The following CNTNAP2 variants were observed in gnomAD, a reference collection of about 807,000 sequenced individuals.
CNTNAP2 encodes the protein contactin associated protein 2, also known as contactin-associated protein-like 2.
Under a neutral mutation model 155.2 loss-of-function variants are expected in CNTNAP2, and 98 were observed. The observed-to-expected ratio is 0.63, with a 90% CI of 0.54 to 0.75. The LOEUF is 0.75. Among genes scored for constraint, CNTNAP2 ranks in the 30% least tolerant of loss-of-function variants. The pLI, the probability that CNTNAP2 is intolerant of heterozygous loss-of-function variation, is 0.00. For synonymous variants in CNTNAP2, 651 were observed against 631.2 expected (o/e 1.03, Z -0.47); for missense variants, 1,727 against 1,688.1 (o/e 1.02, Z -0.40).
rs148249006 is a variant in CNTNAP2 at position 147,004,682 on chromosome 7, A to G, written c.403-39225A>G. On this transcript the variant is annotated intron_variant, in intron 3 of 23. Coordinates refer to ENST00000361727, the MANE Select transcript of CNTNAP2 (RefSeq NM_014141.6). ...TGATAAGATAAATGTTCCTGATAAG[A>G]GAATATTTACACTAACAGAATCTTA... Among the ~76,000 whole-genome samples, 643 of 152,160 alleles carry G rather than the reference A, an allele frequency of 4.2e-3. 4 individuals are homozygous for G. The highest frequency in any genetic ancestry group is 6.8e-3 in the Middle Eastern group (2 of 294).
chr7:146,669,537 T>C (rs551684484), intron 1 of CNTNAP2, among the ~76,000 whole-genome samples: 36 of 152,328 alleles, frequency 2.4e-4, no homozygotes, highest in African/African-American at 8.4e-4. Context: ...GATTTTACTT[T>C]ATGTGTTTTA....
intron 13 of CNTNAP2, among the ~76,000 whole-genome samples, chr7:147,755,483 T>C (rs565621420): frequency 1.3e-5 from 2 of 152,136 alleles, no homozygotes; most frequent in South Asian, 4.1e-4. Flanking sequence ...GGAAAACCCA[T>C]GTCTACTGAA....
At chr7:147,901,577 C>T (rs758897395) in intron 13 of CNTNAP2, among the ~76,000 whole-genome samples, 3 of 152,116 alleles carry the variant, frequency 2.0e-5, no homozygotes, top group Non-Finnish European at 4.4e-5. Flanking sequence ...TAGAAGTTTA[C>T]CTTTCTGTCT....
Position 146,712,331 on chromosome 7 carries a change from CTATATAG to C in CNTNAP2, c.98-61935_98-61929del, listed in dbSNP as rs1563199308. ...ATATAGTATACATATCTTATGTATA[CTATATAG>C]TATACATATCTTATGTATACTATAT... On this transcript the variant is annotated intron_variant, in intron 1 of 23. Coordinates refer to ENST00000361727, the MANE Select transcript of CNTNAP2 (RefSeq NM_014141.6). Among the ~76,000 whole-genome samples, 93 of 122,272 alleles carry C rather than the reference CTATATAG, an allele frequency of 7.6e-4. 2 individuals carry two copies. Among genetic ancestry groups the C allele is most frequent in the African/African-American group, 3.3e-3 (88 of 26,908 alleles). 80.2% of individuals were successfully genotyped at this position (122,272 alleles called of 152,430 possible).
chr7:146,315,773 AT>A (rs1458010056), intron 1 of CNTNAP2, among the ~76,000 whole-genome samples: 1 of 152,128 alleles, frequency 6.6e-6, no homozygotes, highest in Non-Finnish European at 1.5e-5. Flanking sequence ...GCTATATTTA[AT>A]TTCCTGTTAC....
intron 2 of CNTNAP2, among the ~76,000 whole-genome samples, chr7:146,823,663 T>C (rs1343430470): frequency 6.6e-6 from 1 of 151,674 alleles, no homozygotes; most frequent in Non-Finnish European, 1.5e-5. Context: ...TATTTAAATA[T>C]GAGTATACTC....
intron 13 of CNTNAP2, among the ~76,000 whole-genome samples, chr7:147,796,372 T>C (rs1797895482): frequency 6.6e-6 from 1 of 152,182 alleles, no homozygotes; most frequent in South Asian, 2.1e-4. Flanking sequence ...TAATGACAAT[T>C]GAAGGAAGCC....
chr7:146,706,827 A>C (rs1800973842), intron 1 of CNTNAP2, among the ~76,000 whole-genome samples: 1 of 151,970 alleles, frequency 6.6e-6, no homozygotes, highest in Non-Finnish European at 1.5e-5. Flanking sequence ...ACTAGGTTTA[A>C]TACCTGGGCA....
At chr7:147,160,730 G>A (rs1802009049) in intron 8 of CNTNAP2, among the ~76,000 whole-genome samples, 1 of 152,068 alleles carries the variant, frequency 6.6e-6, no homozygotes, top group Non-Finnish European at 1.5e-5. Flanking sequence ...TTTTATTGTT[G>A]TTGAGGATGT....
chr7:147,086,892 G>A (rs1800290670), intron 4 of CNTNAP2, among the ~76,000 whole-genome samples: 1 of 152,144 alleles, frequency 6.6e-6, no homozygotes, highest in African/African-American at 2.4e-5. Flanking sequence ...GAAAAGTCTA[G>A]TACAGAGCTT....
At chr7:146,857,590 T>A (rs1229567942) in intron 3 of CNTNAP2, among the ~76,000 whole-genome samples, 3 of 152,146 alleles carry the variant, frequency 2.0e-5, no homozygotes, top group Non-Finnish European at 4.4e-5. Context: ...GAGATTTGAC[T>A]TGATAAGGCA....
At chr7:148,119,818 T>C (rs1014728171) in intron 16 of CNTNAP2, among the ~76,000 whole-genome samples, 1 of 152,134 alleles carries the variant, frequency 6.6e-6, no homozygotes, top group Non-Finnish European at 1.5e-5. Context: ...CTAGTAGTTA[T>C]TGTAATTATC....
chr7:147,985,286 G>C lies in CNTNAP2; in HGVS notation c.2383+7297G>C, dbSNP rs192753206. ...AAGCTTCTGAACCCCCACTGGGGGT[G>C]GGGGGTGGGGAGTGGTAATCCCTCT... On this transcript the variant is annotated intron_variant, in intron 15 of 23. Coordinates refer to ENST00000361727, the MANE Select transcript of CNTNAP2 (RefSeq NM_014141.6). Among the ~76,000 whole-genome samples, 7 of 151,806 alleles carry C rather than the reference G, an allele frequency of 4.6e-5. No individual in the cohort carries two copies. The East Asian group carries it at 9.7e-4, about 21-fold the overall frequency.
chr7:146,122,264 A>C (rs1368879052), intron 1 of CNTNAP2, among the ~76,000 whole-genome samples: 1 of 152,208 alleles, frequency 6.6e-6, no homozygotes, highest in Non-Finnish European at 1.5e-5. Context: ...TTGCCTCTGC[A>C]CTAATAGTGA....
At chr7:147,787,997 A>T (rs1158142988) in intron 13 of CNTNAP2, among the ~76,000 whole-genome samples, 1 of 152,202 alleles carries the variant, frequency 6.6e-6, no homozygotes, top group Non-Finnish European at 1.5e-5. Context: ...TTCTCTTTGT[A>T]TTCTTGAAGG....
chr7:147,950,920 T>G (rs952013074), intron 14 of CNTNAP2, among the ~76,000 whole-genome samples: 6 of 152,242 alleles, frequency 3.9e-5, no homozygotes, highest in Non-Finnish European at 7.3e-5. Flanking sequence ...TCTTCACTTT[T>G]CTACAATTAA....
chr7:146,223,489 T>C (rs1452347360), intron 1 of CNTNAP2, among the ~76,000 whole-genome samples: 1 of 152,156 alleles, frequency 6.6e-6, no homozygotes, highest in African/African-American at 2.4e-5. Context: ...TGGGGAGGAC[T>C]CACTGTCACC....
chr7:147,697,439 C>T (rs1226340258), intron 13 of CNTNAP2, among the ~76,000 whole-genome samples: 5 of 152,026 alleles, frequency 3.3e-5, no homozygotes, highest in African/African-American at 1.2e-4. Flanking sequence ...TTTATTAATG[C>T]AGCGATAAGT....
intron 1 of CNTNAP2, among the ~76,000 whole-genome samples, chr7:146,312,164 C>G (rs1246517449): frequency 6.6e-6 from 1 of 152,098 alleles, no homozygotes; most frequent in African/African-American, 2.4e-5. Context: ...AGTGTTGACA[C>G]CATTATTTTT....
Sources: gnomAD v4.1 joint callset for allele counts (sites outside exome capture counted in the v4.1 genomes callset) on GRCh38, gnomAD v4.1.1 for gene constraint, MANE v1.5 for transcripts, NCBI Gene and HGNC (gene_info 2026-07-23, HGNC 2026-07-21) for gene names.